The following RNF180 variants were observed in gnomAD, a reference collection of about 807,000 sequenced individuals.
RNF180 encodes ring finger protein 180, also known as E3 ubiquitin-protein ligase RNF180.
A neutral mutation model predicts 59.2 loss-of-function variants in RNF180; 38 were observed. The ratio of observed to expected loss-of-function variants is 0.64; its 90% confidence interval spans 0.50 to 0.84. RNF180 has a LOEUF of 0.84. Ranked by LOEUF, RNF180 falls within the 40% of genes least tolerant of loss-of-function variation. RNF180 has a pLI of 0.00. For missense variants in RNF180, 705 were observed against 700.9 expected (o/e 1.01, Z -0.07); for synonymous variants, 262 against 240.3 (o/e 1.09, Z -0.84).
chr5:64,169,460 G>A (rs923298152), intron 1 of RNF180, among the ~76,000 whole-genome samples: 2 of 152,184 alleles, frequency 1.3e-5, no homozygotes, highest in Admixed American at 6.5e-5. Context: ...ATTGCTGCAT[G>A]CAGTCATTTA....
intron 5 of RNF180, among the ~76,000 whole-genome samples, chr5:64,253,592 G>A (rs528298455): frequency 1.6e-4 from 24 of 152,092 alleles, no homozygotes; most frequent in Non-Finnish European, 2.9e-4. Context: ...CTGGTTCCTC[G>A]TTTTTTGTGC....
intron 5 of RNF180, among the ~76,000 whole-genome samples, chr5:64,312,510 G>A (rs1743817656): frequency 2.0e-5 from 3 of 152,126 alleles, no homozygotes; most frequent in South Asian, 4.1e-4. Context: ...CAAACCACAG[G>A]GAAGTGGAGG....
intron 6 of RNF180, 132 bp downstream of exon 6, chr5:64,325,543 G>A (rs747067611): frequency 1.5e-6 from 1 of 680,780 alleles, no homozygotes; most frequent in Admixed American, 2.6e-5. Flanking sequence ...TTATAAAACA[G>A]TACTTACCCA....
chr5:64,218,034 A>C (rs1019447249), intron 5 of RNF180, among the ~76,000 whole-genome samples: 1 of 151,948 alleles, frequency 6.6e-6, no homozygotes, highest in Non-Finnish European at 1.5e-5. Context: ...GTTTCATTTG[A>C]TATGTGATTT....
At chr5:64,332,466 A>G (rs1744948724) in intron 7 of RNF180, among the ~76,000 whole-genome samples, 1 of 152,204 alleles carries the variant, frequency 6.6e-6, no homozygotes, top group Admixed American at 6.5e-5. Context: ...TAAGTTATCA[A>G]CATGACTTCA....
intron 5 of RNF180, among the ~76,000 whole-genome samples, chr5:64,287,588 A>G (rs754344311): frequency 2.6e-5 from 4 of 152,094 alleles, no homozygotes; most frequent in South Asian, 2.1e-4. Flanking sequence ...GCCAGCATAT[A>G]TTGTTTCTGG....
chr5:64,348,834 A>T (rs1745664834), intron 7 of RNF180, among the ~76,000 whole-genome samples: 1 of 152,204 alleles, frequency 6.6e-6, no homozygotes, highest in Admixed American at 6.6e-5. Context: ...AAATGATATA[A>T]CTTATTATTC....
Position 64,346,359 on chromosome 5 carries a change from C to CTTTTTTTTTTTTTT in RNF180, c.1579+15967_1579+15980dup, listed in dbSNP as rs1162054033. On this transcript the variant is annotated intron_variant, in intron 7 of 7. Transcript: ENST00000389100. The stretch of plus-strand genomic sequence containing the variant: ...TCTATTCTTCTTTTTTTCTTTTCTT[C>CTTTTTTTTTTTTTT]TTTTTTTTTTTTTTTTTTTTTTTTT... Among the ~76,000 whole-genome samples, 35 of 42,958 alleles carry CTTTTTTTTTTTTTT rather than the reference C, an allele frequency of 8.1e-4. 1 individual carries two copies. The highest frequency in any genetic ancestry group is 1.5e-3 in the East Asian group (2 of 1,296). The allele number at this position is 42,958 out of a possible 152,430, so 28.2% of individuals were successfully genotyped here. A position where few individuals can be genotyped will look rare whatever the true frequency, so the allele number is the denominator to read the frequency against.
rs199906789 is a variant in RNF180 at position 64,214,513 on chromosome 5, A to T, written c.1187A>T (p.Lys396Met). ...KQRRRERWLQ[K>M]QGKYSGVGLL... ...CGAAGGCGTGAAAGATGGCTACAGA[A>T]GCAGGTAATATTTTTCAAAAGAGTT... The change falls in exon 4 of 8, where the codon AAG becomes ATG. Residue 396 changes from lysine (K) to methionine (M), a missense_variant. By Grantham distance (95) the Lys-to-Met change is moderately conservative. Transcript: ENST00000389100. 7.4e-5 allele frequency: 119 copies of T among 1,611,004 alleles called. No individual in the cohort carries two copies. Among genetic ancestry groups the T allele is most frequent in the Non-Finnish European group, 9.8e-5 (116 of 1,178,164 alleles).
intron 5 of RNF180, among the ~76,000 whole-genome samples, chr5:64,268,577 TCAAAA>T (rs1744821410): frequency 6.6e-6 from 1 of 152,162 alleles, no homozygotes; most frequent in Non-Finnish European, 1.5e-5. Flanking sequence ...ACTTTTAAAA[TCAAAA>T]TACCCCTTAT....
rs998412438 is a variant in RNF180 at position 64,370,202 on chromosome 5, A to G, written c.*388A>G. 1 of 153,274 alleles carries G rather than the reference A, an allele frequency of 6.5e-6. No individual in the cohort carries two copies. The highest frequency in any genetic ancestry group is 2.4e-5 in the African/African-American group (1 of 41,442). 9.5% of individuals were successfully genotyped at this position (153,274 alleles called of 1,614,324 possible). On this transcript the variant is annotated 3_prime_UTR_variant, in exon 8 of 8. Transcript: ENST00000389100. Reference sequence around the variant, plus strand: ...GGTAGATATTATCTTTACTGATAAAATATTTAGTCAATCACCACTTATTCT... The same window carrying G: ...GGTAGATATTATCTTTACTGATAAAGTATTTAGTCAATCACCACTTATTCT...
At chr5:64,348,483 G>T (rs925970554) in intron 7 of RNF180, among the ~76,000 whole-genome samples, 5 of 152,032 alleles carry the variant, frequency 3.3e-5, no homozygotes, top group African/African-American at 1.2e-4. Flanking sequence ...ACAACTGGTG[G>T]CCATATAGGA....
At chr5:64,249,425 A>C (rs1373372754) in intron 5 of RNF180, among the ~76,000 whole-genome samples, 2 of 152,150 alleles carry the variant, frequency 1.3e-5, no homozygotes, top group African/African-American at 4.8e-5. Context: ...CAAAGTGCTA[A>C]AGGAAAATAC....
At chr5:64,310,410 T>C (rs1487754050) in intron 5 of RNF180, among the ~76,000 whole-genome samples, 8 of 151,750 alleles carry the variant, frequency 5.3e-5, no homozygotes, top group Admixed American at 1.3e-4. Context: ...TGTTTTGTCA[T>C]TGCTTAATAT....
chr5:64,193,779 G>C (rs1751303241), intron 1 of RNF180, among the ~76,000 whole-genome samples: 1 of 152,172 alleles, frequency 6.6e-6, no homozygotes, highest in African/African-American at 2.4e-5. Context: ...TATGGGCAAT[G>C]GTGGGAAAAC....
At chr5:64,217,237 A>T in intron 4 of RNF180, 124 bp from the exon 5 acceptor site, 1 of 1,149,558 alleles carries the variant, frequency 8.7e-7, no homozygotes, top group Non-Finnish European at 1.1e-6. Flanking sequence ...TGAATGATCC[A>T]CAGTTTATCC....
intron 1 of RNF180, among the ~76,000 whole-genome samples, chr5:64,169,338 A>G (rs1749817082): frequency 6.6e-6 from 1 of 152,210 alleles, no homozygotes; most frequent in Non-Finnish European, 1.5e-5. Flanking sequence ...AGTTACTATC[A>G]TTCTGGGTTT....
intron 5 of RNF180, among the ~76,000 whole-genome samples, chr5:64,286,356 G>A (rs368312863): frequency 6.6e-6 from 1 of 152,112 alleles, no homozygotes; most frequent in South Asian, 2.1e-4. Context: ...CAAGAAAAAA[G>A]CACATAGTTA....
At chr5:64,275,751 T>G (rs1384346081) in intron 5 of RNF180, among the ~76,000 whole-genome samples, 1 of 152,036 alleles carries the variant, frequency 6.6e-6, no homozygotes, top group Non-Finnish European at 1.5e-5. Flanking sequence ...TTGGCTTGTC[T>G]GATGCTTTCT....
Sources: gnomAD v4.1 joint callset for allele counts (sites outside exome capture counted in the v4.1 genomes callset) on GRCh38, gnomAD v4.1.1 for gene constraint, MANE v1.5 for transcripts, NCBI Gene and HGNC (gene_info 2026-07-23, HGNC 2026-07-21) for gene names.